Variants in FHIT observed in about 807,000 individuals in gnomAD.
FHIT encodes bis(5'-adenosyl)-triphosphatase.
In FHIT, 19 loss-of-function variants were observed where a neutral mutation model predicts 17.9. That is an observed-to-expected ratio of 1.06 (90% confidence interval 0.74 to 1.56). FHIT has a LOEUF of 1.56. Among genes scored for constraint, FHIT ranks in the 40% most tolerant of loss-of-function variants. FHIT has a pLI of 0.00. For synonymous variants in FHIT, 81 were observed against 69.7 expected (o/e 1.16, Z -0.81); for missense variants, 248 against 189.2 (o/e 1.31, Z -1.82).
At chr3:61,073,503 T>G (rs2034874838) in intron 2 of FHIT, among the ~76,000 whole-genome samples, 1 of 152,170 alleles carries the variant, frequency 6.6e-6, no homozygotes, top group Admixed American at 6.5e-5. Flanking sequence ...TATTTTAAAT[T>G]TTAGTGAAAA....
chr3:61,137,231 G>C (rs1009044816), intron 2 of FHIT, among the ~76,000 whole-genome samples: 5 of 139,512 alleles, frequency 3.6e-5, no homozygotes, highest in Non-Finnish European at 7.7e-5. Context: ...TGAATAGTTT[G>C]CCTTTTCTAA....
intron 8 of FHIT, among the ~76,000 whole-genome samples, chr3:59,922,110 A>C (rs1705433767): frequency 6.6e-6 from 1 of 152,148 alleles, no homozygotes; most frequent in African/African-American, 2.4e-5. Flanking sequence ...AGAAATCACA[A>C]GGACACTTGG....
At chr3:60,742,847 A>C (rs1553714235) in intron 4 of FHIT, among the ~76,000 whole-genome samples, 1 of 152,228 alleles carries the variant, frequency 6.6e-6, no homozygotes, top group Non-Finnish European at 1.5e-5. Context: ...AACTAATCGA[A>C]GTCCCCTGCA....
chr3:61,134,364 C>T (rs1031053467), intron 2 of FHIT, among the ~76,000 whole-genome samples: 4 of 152,062 alleles, frequency 2.6e-5, no homozygotes, highest in Non-Finnish European at 5.9e-5. Flanking sequence ...AATAATTATT[C>T]ATTCAATAAG....
intron 2 of FHIT, among the ~76,000 whole-genome samples, chr3:61,166,552 TA>T (rs1440225301): frequency 6.6e-6 from 1 of 152,212 alleles, no homozygotes; most frequent in Non-Finnish European, 1.5e-5. Flanking sequence ...ACACCTTCCT[TA>T]TTAGCAATAA....
intron 4 of FHIT, among the ~76,000 whole-genome samples, chr3:60,606,876 G>A (rs142010768): frequency 3.9e-5 from 6 of 152,126 alleles, no homozygotes; most frequent in African/African-American, 9.6e-5. Flanking sequence ...TTAACTCCCC[G>A]ATATCCTTCT....
chr3:60,679,711 T>A (rs1553696324), intron 4 of FHIT, among the ~76,000 whole-genome samples: 2 of 152,136 alleles, frequency 1.3e-5, no homozygotes, highest in South Asian at 4.1e-4. Flanking sequence ...GAAAGATTTC[T>A]ATAAATGAGA....
At position 60,597,651 on chromosome 3, in the gene FHIT, T is replaced by A. The variant is rs145315728; in HGVS notation, c.-17-60672A>T. Among the ~76,000 whole-genome samples the A allele has an allele frequency of 4.1e-3, 622 of 152,238 alleles. 4 individuals carry two copies. Among genetic ancestry groups the A allele is most frequent in the Non-Finnish European group, 6.5e-3 (445 of 68,004 alleles). Reference sequence around the variant, plus strand: ...CTAATGCCAAGGAAATGTCAGGGAATTAAGACCCTCAAGTGTGAACATGGG... The same window carrying A: ...CTAATGCCAAGGAAATGTCAGGGAAATAAGACCCTCAAGTGTGAACATGGG... On this transcript the variant is annotated intron_variant, in intron 4 of 9. Transcript: ENST00000492590.
chr3:60,477,371 G>C (rs960957228), intron 5 of FHIT, among the ~76,000 whole-genome samples: 1 of 152,062 alleles, frequency 6.6e-6, no homozygotes, highest in African/African-American at 2.4e-5. Flanking sequence ...CTTTTCTTTT[G>C]AGAGAGATGC....
intron 8 of FHIT, among the ~76,000 whole-genome samples, chr3:59,757,036 C>G (rs1009869540): frequency 1.3e-5 from 2 of 152,150 alleles, no homozygotes; most frequent in Non-Finnish European, 2.9e-5. Context: ...CTATATTTCT[C>G]CATCTCTCCT....
At chr3:59,750,289 A>C (rs1700822670) in intron 9 of FHIT, 1 of 225,744 alleles carries the variant, frequency 4.4e-6, no homozygotes, top group South Asian at 1.8e-4. Context: ...AAAAGGCTAA[A>C]GCTTTCTAGC....
intron 7 of FHIT, among the ~76,000 whole-genome samples, chr3:59,945,013 G>T (rs1580457): frequency 0.088 from 13,373 of 152,144 alleles, 841 homozygotes; most frequent in South Asian, 0.16. Context: ...TTTATGGTAG[G>T]ATGATTTATT....
intron 7 of FHIT, among the ~76,000 whole-genome samples, chr3:59,925,397 T>C (rs972696090): frequency 2.0e-5 from 3 of 152,204 alleles, no homozygotes; most frequent in Admixed American, 6.5e-5. Context: ...TGAGCTACTA[T>C]GTCCAGTATG....
chr3:59,804,264 G>A (rs1700110461), intron 8 of FHIT, among the ~76,000 whole-genome samples: 1 of 152,224 alleles, frequency 6.6e-6, no homozygotes, highest in African/African-American at 2.4e-5. Context: ...GAGACTGCCA[G>A]GCGTCGGTCA....
intron 5 of FHIT, among the ~76,000 whole-genome samples, chr3:60,205,958 T>TA (rs931256283): frequency 8.9e-5 from 13 of 146,712 alleles, no homozygotes; most frequent in South Asian, 2.2e-4. Context: ...AATACAAAAA[T>TA]AAAAAAAAAT....
chr3:60,635,626 G>A (rs1477140364), intron 4 of FHIT, among the ~76,000 whole-genome samples: 1 of 152,140 alleles, frequency 6.6e-6, no homozygotes, highest in Non-Finnish European at 1.5e-5. Context: ...ATAAATATTT[G>A]CTGCCTGGCT....
At chr3:59,891,510 C>T (rs939295804) in intron 8 of FHIT, among the ~76,000 whole-genome samples, 5 of 152,276 alleles carry the variant, frequency 3.3e-5, no homozygotes, top group East Asian at 1.9e-4. Context: ...GTCATCCCCC[C>T]GACATCACAG....
chr3:60,441,699 T>G (rs868587150), intron 5 of FHIT, among the ~76,000 whole-genome samples: 582 of 3,374 alleles, frequency 0.17, 9 homozygotes, highest in African/African-American at 0.21. Context: ...CATCTGTAGG[T>G]ATTTATATAT....
chr3:59,980,412 G>T (rs1358135236), intron 7 of FHIT, among the ~76,000 whole-genome samples: 7 of 152,172 alleles, frequency 4.6e-5, no homozygotes, highest in African/African-American at 1.4e-4. Context: ...GTTTTGCCCA[G>T]TTCCTGAAGG....
Sources: allele counts gnomAD v4.1 joint callset (sites outside exome capture counted in the v4.1 genomes callset), GRCh38; gene constraint gnomAD v4.1.1; transcripts MANE v1.5; gene names NCBI Gene and HGNC (gene_info 2026-07-23, HGNC 2026-07-21).